The following SH3YL1 variants were observed in gnomAD, a reference collection of about 807,000 sequenced individuals.
SH3YL1 encodes SH3 and SYLF domain containing 1, also known as SH3 domain-containing YSC84-like protein 1.
SH3YL1 carries 41 observed loss-of-function variants against 45.8 expected under a neutral mutation model. The observed-to-expected ratio is 0.89, with a 90% confidence interval of 0.70 to 1.16. SH3YL1 has a LOEUF of 1.16. Ranked by LOEUF, SH3YL1 falls within the 50% of genes most tolerant of loss-of-function variation. The pLI, the probability that SH3YL1 is intolerant of heterozygous loss-of-function variation, is 0.00. For synonymous variants in SH3YL1, 152 were observed against 151.4 expected (o/e 1.00, Z -0.03); for missense variants, 389 against 409.6 (o/e 0.95, Z 0.43).
intron 1 of SH3YL1, chr2:262,784 T>C (rs1572187063): frequency 9.5e-7 from 1 of 1,052,602 alleles, no homozygotes; most frequent in East Asian, 6.3e-5. Flanking sequence ...GAATAAAGTT[T>C]TCCTAAACAG....
intron 2 of SH3YL1, among the ~76,000 whole-genome samples, chr2:251,731 C>T (rs1669081234): frequency 6.6e-6 from 1 of 152,144 alleles, no homozygotes; most frequent in South Asian, 2.1e-4. Context: ...TCAGACTATA[C>T]CTGGAGCAGT....
intron 1 of SH3YL1, chr2:256,554 G>A (rs1485021061): frequency 6.6e-6 from 1 of 152,144 alleles, no homozygotes; most frequent in Non-Finnish European, 1.5e-5. Context: ...TTAGCCAGAT[G>A]TGGTGACGTG....
At chr2:221,970 C>T (rs1667599431) in intron 9 of SH3YL1, among the ~76,000 whole-genome samples, 1 of 152,116 alleles carries the variant, frequency 6.6e-6, no homozygotes, top group South Asian at 2.1e-4. Flanking sequence ...TTAATGCCCA[C>T]AAAGAATTCA....
Position 264,005 on chromosome 2 carries a change from G to GCC in SH3YL1, c.-23_-22dup. ...TCACTGCTGCCCGCCCGGCCGCGGC[G>GCC]CCCCGTCCCGAGGCTGCCCAGGAAG... is the stretch of plus-strand genomic sequence containing the variant. On this transcript the variant is annotated 5_prime_UTR_variant, in exon 1 of 10. Transcript: ENST00000356150. 1 of 1,445,384 alleles carries GCC rather than the reference G, an allele frequency of 6.9e-7. No individual in the cohort carries two copies. The highest frequency in any genetic ancestry group is 9.2e-7 in the Non-Finnish European group (1 of 1,092,872). The allele number at this position is 1,445,384 out of a possible 1,614,324, so 89.5% of individuals were successfully genotyped here.
intron 1 of SH3YL1, chr2:262,663 G>T: frequency 1.5e-6 from 2 of 1,304,258 alleles, no homozygotes; most frequent in Non-Finnish European, 2.0e-6. Context: ...AGGGACTTGT[G>T]AGGCTCTCAG....
intron 6 of SH3YL1, chr2:232,871 TTG>T: frequency 7.1e-6 from 2 of 280,506 alleles, no homozygotes; most frequent in Non-Finnish European, 6.4e-6. Context: ...AAAATGTGAA[TTG>T]TGTTAGTCTT....
intron 8 of SH3YL1, 38 bp from the exon 9 acceptor site, chr2:224,958 A>G: frequency 6.7e-7 from 1 of 1,501,332 alleles, no homozygotes; most frequent in Non-Finnish European, 9.3e-7. Flanking sequence ...TTGAAAACTG[A>G]TTAGTATATA....
At chr2:226,021 G>A (rs958665536) in intron 8 of SH3YL1, among the ~76,000 whole-genome samples, 1 of 152,096 alleles carries the variant, frequency 6.6e-6, no homozygotes, top group Non-Finnish European at 1.5e-5. Flanking sequence ...TTGTATATTG[G>A]GGAGGAGGGG....
rs964033279 is a variant in SH3YL1, at chr2:224,826, A to G, written c.838+38T>C. On this transcript the variant is annotated intron_variant, in intron 9 of 9. Coordinates refer to ENST00000356150, the MANE Select transcript of SH3YL1 (RefSeq NM_015677.4). ...TAGGAAGTTTGTGATCACAAAATGA[A>G]TATGAATCATTTATAACATATAGAT... 2.1e-6 allele frequency: 3 copies of G among 1,432,740 alleles called. No individual in the cohort carries two copies. The African/African-American group carries it at 4.2e-5, about 20-fold the overall frequency. 88.8% of individuals were successfully genotyped at this position (1,432,740 alleles called of 1,614,324 possible). A position where few individuals can be genotyped will look rare whatever the true frequency, so the allele number is the denominator to read the frequency against.
intron 1 of SH3YL1, among the ~76,000 whole-genome samples, chr2:258,401 T>A (rs920563782): frequency 8.5e-5 from 13 of 152,224 alleles, no homozygotes; most frequent in Admixed American, 8.5e-4. Flanking sequence ...GGTATTTTAT[T>A]CTTTTTGTGT....
At chr2:253,503 G>A (rs934619660) in intron 1 of SH3YL1, among the ~76,000 whole-genome samples, 5 of 152,198 alleles carry the variant, frequency 3.3e-5, no homozygotes, top group South Asian at 2.1e-4. Context: ...CCAGCGCCAT[G>A]ACAGTTTACA....
intron 4 of SH3YL1, among the ~76,000 whole-genome samples, chr2:238,899 T>A (rs1352128102): frequency 1.3e-5 from 2 of 152,182 alleles, no homozygotes; most frequent in Non-Finnish European, 2.9e-5. Context: ...ATTCAGTACC[T>A]CTGATGTTCC....
intron 8 of SH3YL1, among the ~76,000 whole-genome samples, chr2:229,729 A>AT (rs1667948315): frequency 8.0e-5 from 2 of 25,108 alleles, no homozygotes; most frequent in Non-Finnish European, 2.6e-4. Flanking sequence ...ACTCCGTCTC[A>AT]AAAAAAAAAA....
At chr2:227,606 C>A (rs973689397) in intron 8 of SH3YL1, among the ~76,000 whole-genome samples, 1 of 152,102 alleles carries the variant, frequency 6.6e-6, no homozygotes, top group East Asian at 1.9e-4. Flanking sequence ...TAGTAAAGCA[C>A]GTATAAGATG....
intron 5 of SH3YL1, 98 bp from the exon 6 acceptor site, chr2:233,327 T>C: frequency 8.1e-7 from 1 of 1,238,130 alleles, no homozygotes. Context: ...TGAATTATTT[T>C]GTTCTGTACC....
intron 9 of SH3YL1, among the ~76,000 whole-genome samples, chr2:219,683 G>C (rs1326261811): frequency 6.6e-6 from 1 of 152,144 alleles, no homozygotes; most frequent in Non-Finnish European, 1.5e-5. Flanking sequence ...CTGGAGAAAG[G>C]CAGATATGTG....
Position 231,012 on chromosome 2 carries a change from C to A in SH3YL1, c.702+11G>T. 1 of 1,613,730 alleles carries A rather than the reference C, an allele frequency of 6.2e-7. No individual in the cohort carries two copies. Among genetic ancestry groups the A allele is most frequent in the South Asian group, 1.1e-5 (1 of 91,058 alleles). On this transcript the variant is annotated intron_variant, in intron 7 of 9. Transcript: ENST00000356150. ...TGAGAATACTGAGTGAAACATAAAA[C>A]CAAACGGTACAGAAGACTTCCTCTG... is the stretch of plus-strand genomic sequence containing the variant.
chr2:243,389 A>C, intron 4 of SH3YL1: 2 of 1,062,334 alleles, frequency 1.9e-6, no homozygotes, highest in Non-Finnish European at 1.3e-6. Context: ...TGGGAAATTT[A>C]TAAATATGTG....
chr2:261,975 G>A (rs1669605879), intron 1 of SH3YL1, among the ~76,000 whole-genome samples: 1 of 152,158 alleles, frequency 6.6e-6, no homozygotes, highest in Admixed American at 6.5e-5. Context: ...TGAAATGGAG[G>A]TTAACTCATT....
Sources: allele counts gnomAD v4.1 joint callset (sites outside exome capture counted in the v4.1 genomes callset), GRCh38; gene constraint gnomAD v4.1.1; transcripts MANE v1.5; gene names NCBI Gene and HGNC (gene_info 2026-07-23, HGNC 2026-07-21).